Variants in IGF1R observed in about 807,000 individuals in gnomAD.
IGF1R encodes insulin like growth factor 1 receptor.
Under a neutral mutation model 144.6 loss-of-function variants are expected in IGF1R, and 44 were observed. The ratio of observed to expected loss-of-function variants is 0.30; its 90% CI spans 0.24 to 0.39. The LOEUF (loss-of-function observed/expected upper bound fraction) is 0.39. Among genes scored for constraint, IGF1R ranks in the 10% least tolerant of loss-of-function variants. The pLI, the probability that IGF1R is intolerant of heterozygous loss-of-function variation, is 1.00. For synonymous variants in IGF1R, 795 were observed against 722.8 expected (o/e 1.10, Z -1.60); for missense variants, 1,355 against 1,833.7 (o/e 0.74, Z 4.77).
chr15:98,729,577 T>TA (rs71149415), intron 2 of IGF1R, among the ~76,000 whole-genome samples: 1,793 of 147,706 alleles, frequency 0.012, 23 homozygotes, highest in Non-Finnish European at 0.016. Context: ...TTTTTTTTTT[T>TA]AAGTGAACCT....
rs2017238453 is a variant in IGF1R, at chr15:98,961,844, C to T, written c.*4402C>T. The T allele has an allele frequency of 4.3e-6, 1 of 233,274 alleles. No individual in the cohort carries two copies. Among genetic ancestry groups the T allele is most frequent in the Non-Finnish European group, 8.5e-6 (1 of 118,054 alleles). The allele number at this position is 233,274 out of a possible 1,614,324, so 14.5% of individuals were successfully genotyped here. On this transcript the variant is annotated 3_prime_UTR_variant, in exon 21 of 21. Transcript: ENST00000650285. ...GGAAGATGGAAGACCGTGTTCGTGG[C>T]CGACCTGGCCTCTCCTGGCCTGTTT...
In IGF1R at chr15:98,924,523, AG is replaced by A; in HGVS notation, c.2623del. On this transcript the variant is annotated splice_acceptor_variant, in intron 12 of 20. Transcript: ENST00000650285. LOFTEE classifies it high-confidence loss of function. ...ATTGACATGTATGTTTTATTTCCCCAGGATCAGCGAGAATGTGTGTCCAGAC... is the reference window on the plus strand; with the variant it reads ...ATTGACATGTATGTTTTATTTCCCCAGATCAGCGAGAATGTGTGTCCAGAC... 6.2e-7 allele frequency: 1 copy of A among 1,614,152 alleles called. No individual in the cohort carries two copies. Among genetic ancestry groups the A allele is most frequent in the Non-Finnish European group, 8.5e-7 (1 of 1,179,976 alleles).
chr15:98,786,915 T>TA (rs1266786287), intron 2 of IGF1R, among the ~76,000 whole-genome samples: 1 of 152,196 alleles, frequency 6.6e-6, no homozygotes, highest in Non-Finnish European at 1.5e-5. Context: ...AATTGATCCT[T>TA]AGACATTCCT....
intron 2 of IGF1R, among the ~76,000 whole-genome samples, chr15:98,766,022 G>A (rs2055429373): frequency 1.3e-5 from 2 of 152,200 alleles, no homozygotes; most frequent in South Asian, 2.1e-4. Flanking sequence ...GTTAGGGCAG[G>A]AGGAGGAAGG....
At chr15:98,664,716 C>T (rs1181549056) in intron 1 of IGF1R, among the ~76,000 whole-genome samples, 1 of 150,798 alleles carries the variant, frequency 6.6e-6, no homozygotes, top group Non-Finnish European at 1.5e-5. Context: ...AAAGTGTCAC[C>T]CATCTTGGAG....
intron 1 of IGF1R, among the ~76,000 whole-genome samples, chr15:98,676,850 A>G (rs890715665): frequency 2.0e-5 from 3 of 152,140 alleles, no homozygotes; most frequent in Non-Finnish European, 4.4e-5. Flanking sequence ...TTTCTGGTTA[A>G]TGAATGCTTT....
chr15:98,926,899 C>A (rs949562561), intron 13 of IGF1R, among the ~76,000 whole-genome samples: 1 of 152,198 alleles, frequency 6.6e-6, no homozygotes, highest in African/African-American at 2.4e-5. Flanking sequence ...CATAATATTC[C>A]TGCAGCCTTG....
intron 2 of IGF1R, among the ~76,000 whole-genome samples, chr15:98,814,080 G>T (rs1457087759): frequency 6.6e-6 from 1 of 152,144 alleles, no homozygotes; most frequent in African/African-American, 2.4e-5. Context: ...GATAATTGAG[G>T]TATGTGACAT....
chr15:98,941,613 C>G (rs2016369137), intron 18 of IGF1R, among the ~76,000 whole-genome samples: 2 of 152,312 alleles, frequency 1.3e-5, no homozygotes, highest in South Asian at 4.1e-4. Context: ...CACTTTCACA[C>G]TTCATTTTTA....
chr15:98,661,420 C>T (rs1436065460), intron 1 of IGF1R, among the ~76,000 whole-genome samples: 1 of 152,174 alleles, frequency 6.6e-6, no homozygotes, highest in East Asian at 1.9e-4. Context: ...TCCTTAAAGT[C>T]TCCTCTTCCG....
chr15:98,696,612 T>G (rs1407154411), intron 1 of IGF1R, among the ~76,000 whole-genome samples: 1 of 152,202 alleles, frequency 6.6e-6, no homozygotes, highest in African/African-American at 2.4e-5. Context: ...TTTGTAGCAG[T>G]GTTTTTCTTC....
chr15:98,892,359 T>C (rs2013965921), intron 3 of IGF1R, among the ~76,000 whole-genome samples: 1 of 151,922 alleles, frequency 6.6e-6, no homozygotes, highest in African/African-American at 2.4e-5. Context: ...GAGACCAGCC[T>C]GGCCAACGTG....
At chr15:98,886,817 C>G (rs930427685) in intron 2 of IGF1R, among the ~76,000 whole-genome samples, 5 of 152,256 alleles carry the variant, frequency 3.3e-5, no homozygotes, top group African/African-American at 1.2e-4. Context: ...CTGGGGCTGG[C>G]TCCAGGACTC....
chr15:98,753,200 G>A lies in IGF1R; in HGVS notation c.640+45093G>A, dbSNP rs1596269119. 2.0e-5 allele frequency among the ~76,000 whole-genome samples: 3 copies of A among 151,270 alleles called. No individual in the cohort carries two copies. The South Asian group carries it at 6.3e-4, about 32-fold the overall frequency. On this transcript the variant is annotated intron_variant, in intron 2 of 20. Transcript: ENST00000650285. ...CCTGCCTCGGCCTCCCAAAGTGCTGGGATTACAGGTGTGAGCCATTACGTC... is the reference window on the plus strand; with the variant it reads ...CCTGCCTCGGCCTCCCAAAGTGCTGAGATTACAGGTGTGAGCCATTACGTC...
chr15:98,692,896 G>T (rs550223411), intron 1 of IGF1R, among the ~76,000 whole-genome samples: 29 of 152,292 alleles, frequency 1.9e-4, no homozygotes, highest in African/African-American at 7.0e-4. Context: ...CTCAGGGTGG[G>T]GTAAGCCTGG....
intron 12 of IGF1R, 33 bp downstream of exon 12, chr15:98,924,045 T>C: frequency 6.2e-7 from 1 of 1,606,116 alleles, no homozygotes; most frequent in African/African-American, 1.3e-5. Context: ...TGCCTGCATG[T>C]ACTTCCATCC....
chr15:98,772,405 C>T (rs758739074), intron 2 of IGF1R, among the ~76,000 whole-genome samples: 2 of 150,976 alleles, frequency 1.3e-5, no homozygotes, highest in African/African-American at 4.9e-5. Context: ...ATTGAACAAG[C>T]TGTTCTGAAC....
chr15:98,828,813 G>GT (rs1776583524), intron 2 of IGF1R, among the ~76,000 whole-genome samples: 1 of 144,014 alleles, frequency 6.9e-6, no homozygotes, highest in African/African-American at 2.6e-5. Context: ...GAGTTTTTGG[G>GT]TTTTTTAAGC....
At chr15:98,818,115 A>G (rs1026903029) in intron 2 of IGF1R, among the ~76,000 whole-genome samples, 8 of 152,180 alleles carry the variant, frequency 5.3e-5, no homozygotes, top group African/African-American at 1.7e-4. Context: ...TCTCACCCTT[A>G]TGACCTCATT....
Sources: allele counts gnomAD v4.1 joint callset (sites outside exome capture counted in the v4.1 genomes callset), GRCh38; gene constraint gnomAD v4.1.1; transcripts MANE v1.5; gene names NCBI Gene and HGNC (gene_info 2026-07-23, HGNC 2026-07-21).